Variants in LMOD1 observed in about 807,000 individuals in gnomAD.
The protein encoded by LMOD1 is leiomodin-1.
Under a neutral mutation model 36.5 loss-of-function variants are expected in LMOD1, and 8 were observed. The ratio of observed to expected loss-of-function variants is 0.22; its 90% CI spans 0.13 to 0.40. The LOEUF is 0.40. Ranked by LOEUF, LMOD1 falls within the 10% of genes least tolerant of loss-of-function variation. The pLI is 1.00. For missense variants in LMOD1, 630 were observed against 751.1 expected (o/e 0.84, Z 1.88); for synonymous variants, 284 against 288.7 (o/e 0.98, Z 0.17).
chr1:201,938,669 C>T (rs930511621), intron 1 of LMOD1, among the ~76,000 whole-genome samples: 7 of 152,294 alleles, frequency 4.6e-5, no homozygotes, highest in Admixed American at 3.9e-4. Context: ...CCAGCCCTGC[C>T]GGCTTGATCT....
chr1:201,906,345 T>C (rs888231728), intron 1 of LMOD1, among the ~76,000 whole-genome samples: 4 of 151,968 alleles, frequency 2.6e-5, no homozygotes, highest in Admixed American at 2.6e-4. Context: ...CCTGCATCAG[T>C]CCCCCCACCC....
intron 1 of LMOD1, among the ~76,000 whole-genome samples, chr1:201,931,263 G>A (rs780060229): frequency 2.6e-5 from 4 of 152,186 alleles, no homozygotes; most frequent in Non-Finnish European, 4.4e-5. Flanking sequence ...GGCCGGGTTC[G>A]GTGGCTCACG....
chr1:201,901,137 C>T (rs114957419), intron 1 of LMOD1, among the ~76,000 whole-genome samples: 540 of 152,312 alleles, frequency 3.5e-3, no homozygotes, highest in Admixed American at 6.5e-3. Flanking sequence ...AGGAGAAATA[C>T]TAACACTGAT....
intron 1 of LMOD1, among the ~76,000 whole-genome samples, chr1:201,929,211 T>C (rs1157121136): frequency 6.6e-6 from 1 of 152,040 alleles, no homozygotes; most frequent in Non-Finnish European, 1.5e-5. Flanking sequence ...CAAGTGATTC[T>C]CCTGCCTCAG....
Position 201,900,266 on chromosome 1 carries a change from T to C in LMOD1, c.747A>G (p.Lys249=), listed in dbSNP as rs775405312. 6.2e-7 allele frequency: 1 copy of C among 1,613,456 alleles called. No homozygotes were observed. The highest frequency in any genetic ancestry group is 8.5e-7 in the Non-Finnish European group (1 of 1,179,612). Residue 249 remains lysine, a synonymous_variant, in exon 2 of 3, where the codon AAA becomes AAG. Transcript: ENST00000367288. The part of the protein sequence containing the change: ...MKRAGGNTDM[K]KEDEKVKRGT... ...CTCTTTTTACCTTCTCATCCTCCTT[T>C]TTCATGTCTGTGTTCCCACCTGCTC...
intron 1 of LMOD1, among the ~76,000 whole-genome samples, chr1:201,908,891 C>T (rs185906536): frequency 1.3e-5 from 2 of 152,322 alleles, no homozygotes; most frequent in Non-Finnish European, 2.9e-5. Context: ...TTCCCTGCTC[C>T]CAACCTTAGG....
intron 1 of LMOD1, among the ~76,000 whole-genome samples, chr1:201,931,804 A>T (rs1320876016): frequency 6.6e-6 from 1 of 152,004 alleles, no homozygotes; most frequent in East Asian, 1.9e-4. Context: ...TGGGAGGCTG[A>T]GGTGGGATGA....
chr1:201,912,763 G>A (rs1331310951), intron 1 of LMOD1, among the ~76,000 whole-genome samples: 1 of 152,156 alleles, frequency 6.6e-6, no homozygotes, highest in African/African-American at 2.4e-5. Flanking sequence ...GGAGGCTGAG[G>A]CAGGAGAATC....
chr1:201,939,624 G>C (rs1437660601), intron 1 of LMOD1, among the ~76,000 whole-genome samples: 1 of 152,172 alleles, frequency 6.6e-6, no homozygotes, highest in African/African-American at 2.4e-5. Flanking sequence ...AATAAATAAG[G>C]AAGGGCCTGA....
Position 201,899,559 on chromosome 1 carries a change from G to C in LMOD1, c.1454C>G (p.Ala485Gly), listed in dbSNP as rs1417326723. The change falls in exon 2 of 3, where the codon GCA becomes GGA. Residue 485 changes from alanine (A) to glycine (G), a missense_variant. By Grantham distance (60) the Ala-to-Gly change is moderately conservative (BLOSUM62 0). Around this residue, in one of 3 missense-constraint regions of LMOD1, gnomAD observed 144 missense variants for 169.8 expected, o/e 0.85. Coordinates refer to ENST00000367288, the MANE Select transcript of LMOD1 (RefSeq NM_012134.3). The surrounding 1 kb of genome is among the most constrained non-coding windows in gnomAD (Gnocchi z 6.3). ...CTTCTTCTCTCCCTTGGCTTCCTGT[G>C]CCTGCCTTTGCTCCTGCAGCCGCTT... ...RQKRLQEQRQAQEAKGEKKDL... is the reference protein window; with the variant it reads ...RQKRLQEQRQGQEAKGEKKDL... 6.8e-6 allele frequency: 11 copies of C among 1,613,436 alleles called. No individual in the cohort carries two copies. The highest frequency in any genetic ancestry group is 9.3e-6 in the Non-Finnish European group (11 of 1,179,728).
At chr1:201,921,157 T>A (rs1280471871) in intron 1 of LMOD1, among the ~76,000 whole-genome samples, 1 of 151,698 alleles carries the variant, frequency 6.6e-6, no homozygotes, top group Non-Finnish European at 1.5e-5. Flanking sequence ...TCAACTGTTT[T>A]GGCCATGACA....
At chr1:201,913,153 A>C (rs1302677586) in intron 1 of LMOD1, among the ~76,000 whole-genome samples, 1 of 152,310 alleles carries the variant, frequency 6.6e-6, no homozygotes, top group South Asian at 2.1e-4. Context: ...TTTATTGTCC[A>C]TCTTCACCCT....
chr1:201,917,963 C>T (rs888511089), intron 1 of LMOD1, among the ~76,000 whole-genome samples: 4 of 152,238 alleles, frequency 2.6e-5, no homozygotes, highest in African/African-American at 9.6e-5. Context: ...CTCTGCAGTG[C>T]TCCAGGGCCC....
intron 1 of LMOD1, among the ~76,000 whole-genome samples, chr1:201,932,281 T>C (rs568900631): frequency 6.6e-6 from 1 of 152,030 alleles, no homozygotes; most frequent in Non-Finnish European, 1.5e-5. Context: ...GAAGAGGCCA[T>C]GAAATGGGAT....
rs1374212400 is a variant in LMOD1 at position 201,901,608 on chromosome 1, AT to A, written c.262-858del. On this transcript the variant is annotated intron_variant, in intron 1 of 2. Transcript: ENST00000367288. ...TACATATATATATGTATATATATAT[AT>A]ACACATATATATGTGTGTGTGTATA... Among the ~76,000 whole-genome samples, 54 of 42,186 alleles carry A rather than the reference AT, an allele frequency of 1.3e-3. 4 individuals are homozygous for A. Among genetic ancestry groups the A allele is most frequent in the Non-Finnish European group, 1.7e-3 (36 of 21,364 alleles). The allele number at this position is 42,186 out of a possible 152,430, so 27.7% of individuals were successfully genotyped here. A position where few individuals can be genotyped will look rare whatever the true frequency, so the allele number is the denominator to read the frequency against.
At position 201,899,137 on chromosome 1, in the gene LMOD1, C is replaced by T. The variant is rs572527816; in HGVS notation, c.1776+100G>A. 20 of 1,098,324 alleles carry T rather than the reference C, an allele frequency of 1.8e-5. No homozygotes were observed. Among genetic ancestry groups the T allele is most frequent in the African/African-American group, 1.7e-4 (11 of 63,142 alleles). 68.0% of individuals were successfully genotyped at this position (1,098,324 alleles called of 1,614,324 possible). ...CCTGGGAGTCTATATCATCTGCAGC[C>T]GACATAAGCTCCTCTGCATGCCTTC... On this transcript the variant is annotated intron_variant, in intron 2 of 2. Transcript: ENST00000367288. The surrounding 1 kb of genome is among the most constrained non-coding windows in gnomAD (Gnocchi z 6.3).
chr1:201,900,523 T>C lies in LMOD1; in HGVS notation c.490A>G (p.Arg164Gly). Residue 164 changes from arginine (R) to glycine (G), a missense_variant, in exon 2 of 3, where the codon AGG (arginine) becomes GGG (glycine). Transcript: ENST00000367288. ...GCCTCCTTCTTATCCACTGCAGCCC[T>C]GACCCGGCCCTTGTCAATGCCCCGG... ...IIRGIDKGRV[R>G]AAVDKKEAGK... is the part of the protein sequence containing the mutation. 1 of 1,613,918 alleles carries C rather than the reference T, an allele frequency of 6.2e-7. No homozygotes were observed. The highest frequency in any genetic ancestry group is 8.5e-7 in the Non-Finnish European group (1 of 1,179,878).
intron 1 of LMOD1, among the ~76,000 whole-genome samples, chr1:201,913,343 T>C (rs1383120129): frequency 6.6e-6 from 1 of 152,134 alleles, no homozygotes; most frequent in Non-Finnish European, 1.5e-5. Context: ...CAGTGGCTCA[T>C]GCATGTAATC....
chr1:201,926,949 C>G (rs1206059592), intron 1 of LMOD1, among the ~76,000 whole-genome samples: 1 of 152,148 alleles, frequency 6.6e-6, no homozygotes, highest in African/African-American at 2.4e-5. Context: ...AGAGCAAGAC[C>G]TTGTCTCAAA....
Sources: allele counts gnomAD v4.1 joint callset (sites outside exome capture counted in the v4.1 genomes callset), GRCh38; gene constraint gnomAD v4.1.1; regional missense constraint gnomAD v4.1.1; non-coding constraint Gnocchi (gnomAD v3.1); transcripts MANE v1.5; gene names NCBI Gene and HGNC (gene_info 2026-07-23, HGNC 2026-07-21).